Variants in PPFIA1 observed in about 807,000 individuals in gnomAD.
PPFIA1 encodes liprin-alpha-1.
PPFIA1 carries 25 observed loss-of-function variants against 149.9 expected under a neutral mutation model. That is an observed-to-expected ratio of 0.17 (90% CI 0.12 to 0.23). The LOEUF is 0.23. Among genes scored for constraint, PPFIA1 ranks in the 10% least tolerant of loss-of-function variants. The probability of loss-of-function intolerance (pLI) is 1.00; values close to 1 mark genes in which losing one functional copy is unlikely to be tolerated. For synonymous variants in PPFIA1, 549 were observed against 552.8 expected (o/e 0.99, Z 0.10); for missense variants, 1,362 against 1,506.5 (o/e 0.90, Z 1.59).
At position 70,271,484 on chromosome 11, in the gene PPFIA1, C is replaced by T. The variant is rs944975361; in HGVS notation, c.-1+570C>T. On this transcript the variant is annotated intron_variant, in intron 1 of 27. Transcript: ENST00000253925. ...CACTTTTCCCTCTTTCCTAGCCGCC[C>T]CCGGCTGTATCGACCTGCTATATTT... 1.6e-4 allele frequency among the ~76,000 whole-genome samples: 24 copies of T among 152,200 alleles called. 1 individual carries two copies. Among genetic ancestry groups the T allele is most frequent in the Non-Finnish European group, 3.4e-4 (23 of 68,038 alleles).
intron 2 of PPFIA1, among the ~76,000 whole-genome samples, chr11:70,283,140 G>A (rs2050879869): frequency 6.6e-6 from 1 of 151,302 alleles, no homozygotes; most frequent in Non-Finnish European, 1.5e-5. Context: ...ATGCCTGACC[G>A]ACTGACCGAG....
At chr11:70,272,061 T>C in intron 1 of PPFIA1, 112 bp from the exon 2 acceptor site, 1 of 1,183,552 alleles carries the variant, frequency 8.4e-7, no homozygotes, top group South Asian at 1.5e-5. Flanking sequence ...ATAACAGATC[T>C]GAGCATAATG....
chr11:70,338,604 G>C, intron 13 of PPFIA1, 151 bp downstream of exon 13: 1 of 626,158 alleles, frequency 1.6e-6, no homozygotes, highest in Non-Finnish European at 2.8e-6. Context: ...TAACTCAAAG[G>C]TTAGAGCTTG....
intron 2 of PPFIA1, among the ~76,000 whole-genome samples, chr11:70,322,244 C>T (rs2053987262): frequency 1.3e-5 from 2 of 152,204 alleles, no homozygotes; most frequent in Non-Finnish European, 2.9e-5. Context: ...GAGAAATAAT[C>T]TTTCCTCATG....
chr11:70,362,607 T>C, intron 21 of PPFIA1, 119 bp downstream of exon 21: 1 of 1,081,294 alleles, frequency 9.2e-7, no homozygotes, highest in East Asian at 2.7e-5. Flanking sequence ...ATAGTTCTAA[T>C]TCAAAATTTT....
At chr11:70,328,954 G>T (rs1229153587) in intron 7 of PPFIA1, among the ~76,000 whole-genome samples, 1 of 152,190 alleles carries the variant, frequency 6.6e-6, no homozygotes, top group African/African-American at 2.4e-5. Context: ...CAAGCAAAAA[G>T]TTCTGGTCCT....
intron 23 of PPFIA1, 101 bp downstream of exon 23, chr11:70,372,675 T>C (rs1358602846): frequency 1.4e-5 from 13 of 956,790 alleles, no homozygotes; most frequent in East Asian, 2.6e-5. Context: ...AAAGGCTAAA[T>C]TTAAGTGGAG....
rs1026549101 is a variant in PPFIA1, at chr11:70,383,008, C to G, written c.*18C>G. Reference sequence around the variant, plus strand: ...TGTTTGTGTTTATTTTCCAGTTTACCCACACTACTTCTACAGATGATTATG... The same window carrying G: ...TGTTTGTGTTTATTTTCCAGTTTACGCACACTACTTCTACAGATGATTATG... On this transcript the variant is annotated 3_prime_UTR_variant, in exon 28 of 28. Coordinates refer to ENST00000253925, the MANE Select transcript of PPFIA1 (RefSeq NM_003626.5). The G allele has an allele frequency of 9.9e-6, 4 of 404,254 alleles. No homozygotes were observed. Among genetic ancestry groups the G allele is most frequent in the African/African-American group, 2.2e-5 (1 of 45,724 alleles). The allele number at this position is 404,254 out of a possible 1,614,324, so 25.0% of individuals were successfully genotyped here.
chr11:70,292,109 T>C (rs1242862388), intron 2 of PPFIA1, among the ~76,000 whole-genome samples: 1 of 152,098 alleles, frequency 6.6e-6, no homozygotes, highest in Non-Finnish European at 1.5e-5. Context: ...AGTGCTAGGA[T>C]TACAGGCGTG....
chr11:70,345,016 C>A (rs2055600591), intron 15 of PPFIA1, among the ~76,000 whole-genome samples: 1 of 151,428 alleles, frequency 6.6e-6, no homozygotes, highest in South Asian at 2.1e-4. Flanking sequence ...TTGGAACTGG[C>A]CACCGGGGCT....
chr11:70,347,231 A>C (rs553329058), intron 15 of PPFIA1, among the ~76,000 whole-genome samples: 2 of 152,334 alleles, frequency 1.3e-5, no homozygotes, highest in African/African-American at 4.8e-5. Flanking sequence ...AAGGGTCATA[A>C]AATTTTAAAA....
chr11:70,277,054 A>AT (rs1258818996), intron 2 of PPFIA1, among the ~76,000 whole-genome samples: 10 of 28,930 alleles, frequency 3.5e-4, no homozygotes, highest in East Asian at 2.1e-3. Flanking sequence ...ATATATATAT[A>AT]TATATATTTT....
chr11:70,273,820 C>A (rs1005764495), intron 2 of PPFIA1, among the ~76,000 whole-genome samples: 1 of 151,864 alleles, frequency 6.6e-6, no homozygotes, highest in African/African-American at 2.4e-5. Flanking sequence ...TATGTTTTAC[C>A]AGGATTTTAT....
chr11:70,290,138 G>C (rs1386018435), intron 2 of PPFIA1, among the ~76,000 whole-genome samples: 1 of 152,114 alleles, frequency 6.6e-6, no homozygotes, highest in African/African-American at 2.4e-5. Context: ...GCTGAGGCAC[G>C]AGAATCGCTT....
intron 21 of PPFIA1, among the ~76,000 whole-genome samples, chr11:70,370,525 T>A (rs2057180221): frequency 6.6e-6 from 1 of 152,044 alleles, no homozygotes; most frequent in Non-Finnish European, 1.5e-5. Flanking sequence ...TAGCTGGAAC[T>A]GCAGGCATGT....
chr11:70,333,598 A>G, intron 10 of PPFIA1, 45 bp downstream of exon 10: 4 of 1,492,446 alleles, frequency 2.7e-6, no homozygotes, highest in African/African-American at 1.4e-5. Context: ...TGGGTGCTGC[A>G]AGGTCATTGC....
At chr11:70,318,881 T>C (rs1164596698) in intron 2 of PPFIA1, among the ~76,000 whole-genome samples, 1 of 152,236 alleles carries the variant, frequency 6.6e-6, no homozygotes, top group Non-Finnish European at 1.5e-5. Context: ...CCTAGCCTCT[T>C]TTGCTGATGC....
chr11:70,348,087 G>A, intron 15 of PPFIA1, 102 bp from the exon 16 acceptor site: 1 of 901,618 alleles, frequency 1.1e-6, no homozygotes. Context: ...TATTACTGGA[G>A]TTTACTCATA....
At chr11:70,349,367 C>T (rs892470632) in intron 16 of PPFIA1, among the ~76,000 whole-genome samples, 1 of 152,044 alleles carries the variant, frequency 6.6e-6, no homozygotes, top group African/African-American at 2.4e-5. Context: ...TGGTATTTCA[C>T]GCCTGTAATC....
Sources: allele counts gnomAD v4.1 joint callset (sites outside exome capture counted in the v4.1 genomes callset), GRCh38; gene constraint gnomAD v4.1.1; transcripts MANE v1.5; gene names NCBI Gene and HGNC (gene_info 2026-07-23, HGNC 2026-07-21).